Variants in GAREM1 observed in about 807,000 individuals in gnomAD.
The protein encoded by GAREM1 is GRB2 associated regulator of MAPK1 subtype 1.
A neutral mutation model predicts 71.3 loss-of-function variants in GAREM1; 26 were observed. The observed-to-expected ratio is 0.36, with a 90% CI of 0.27 to 0.51. The LOEUF is 0.51. Ranked by LOEUF, GAREM1 falls within the 20% of genes least tolerant of loss-of-function variation. The pLI is 0.95. For synonymous variants in GAREM1, 440 were observed against 433.2 expected, an observed-to-expected ratio of 1.02 and a Z score of -0.20; for missense variants, 1,026 against 1,103.1, an observed-to-expected ratio of 0.93 and a Z score of 0.99.
At chr18:32,449,766 T>C (rs1294449246) in intron 1 of GAREM1, among the ~76,000 whole-genome samples, 1 of 152,262 alleles carries the variant, frequency 6.6e-6, no homozygotes, top group Non-Finnish European at 1.5e-5. Context: ...ACGACTATTC[T>C]AATTCTTCAA....
chr18:32,277,304 C>A (rs1046764378), intron 4 of GAREM1, among the ~76,000 whole-genome samples: 2 of 152,102 alleles, frequency 1.3e-5, no homozygotes, highest in Non-Finnish European at 2.9e-5. Context: ...TGCCTGGGTA[C>A]GTATATGCAT....
At chr18:32,334,583 C>T (rs527817997) in intron 2 of GAREM1, among the ~76,000 whole-genome samples, 6 of 152,244 alleles carry the variant, frequency 3.9e-5, no homozygotes, top group East Asian at 1.9e-4. Context: ...CACATGGAAG[C>T]GGAGGAACAG....
intron 2 of GAREM1, among the ~76,000 whole-genome samples, chr18:32,386,519 C>G (rs1397700109): frequency 6.6e-6 from 1 of 152,178 alleles, no homozygotes; most frequent in East Asian, 1.9e-4. Context: ...GTTACAGATT[C>G]ACCAGATTTG....
At chr18:32,374,821 G>A (rs560093660) in intron 2 of GAREM1, among the ~76,000 whole-genome samples, 1 of 152,264 alleles carries the variant, frequency 6.6e-6, no homozygotes, top group Non-Finnish European at 1.5e-5. Flanking sequence ...AAAGATAAAT[G>A]AAATATTATA....
intron 4 of GAREM1, 69 bp from the exon 5 acceptor site, chr18:32,270,452 G>C: frequency 7.3e-7 from 1 of 1,369,656 alleles, no homozygotes; most frequent in African/African-American, 1.4e-5. Context: ...GCTCAATCCT[G>C]AAGACTTGCT....
At chr18:32,409,787 C>T (rs2144682177) in intron 1 of GAREM1, among the ~76,000 whole-genome samples, 1 of 152,252 alleles carries the variant, frequency 6.6e-6, no homozygotes, top group East Asian at 1.9e-4. Context: ...CGCCAAGCAA[C>T]TTTCAGAAAA....
chr18:32,294,803 A>C (rs1357822362), intron 3 of GAREM1, among the ~76,000 whole-genome samples: 1 of 152,170 alleles, frequency 6.6e-6, no homozygotes, highest in African/African-American at 2.4e-5. Context: ...ATTTATCTTT[A>C]TCCTTTCAAT....
chr18:32,375,403 A>G (rs2048022273), intron 2 of GAREM1, among the ~76,000 whole-genome samples: 1 of 152,098 alleles, frequency 6.6e-6, no homozygotes, highest in South Asian at 2.1e-4. Context: ...CAGAGCAAAA[A>G]GGTTTCTTCA....
chr18:32,319,098 C>A (rs925032477), intron 2 of GAREM1, among the ~76,000 whole-genome samples: 4 of 152,148 alleles, frequency 2.6e-5, no homozygotes, highest in African/African-American at 9.7e-5. Context: ...AATGAATGAA[C>A]TTTTCTTCTC....
chr18:32,433,412 A>T (rs1176110134), intron 1 of GAREM1, among the ~76,000 whole-genome samples: 1 of 151,752 alleles, frequency 6.6e-6, no homozygotes, highest in African/African-American at 2.4e-5. Context: ...CTTATTCAAC[A>T]TAATACTAGA....
chr18:32,321,020 T>C (rs576751265), intron 2 of GAREM1, among the ~76,000 whole-genome samples: 9 of 152,338 alleles, frequency 5.9e-5, no homozygotes, highest in African/African-American at 2.2e-4. Flanking sequence ...CTCATCACTT[T>C]GTAATGGTAT....
At chr18:32,412,407 C>T (rs575850651) in intron 1 of GAREM1, 242 of 1,584,754 alleles carry the variant, frequency 1.5e-4, no homozygotes, top group Non-Finnish European at 2.0e-4. Flanking sequence ...GTAGCTTCCA[C>T]CACCTCCAAA....
chr18:32,406,480 G>A lies in GAREM1; in HGVS notation c.122-13445C>T, dbSNP rs746279208. ...ATAATCAAATGACATGATGAGTAAA[G>A]AAACGGTGTGTGGTGGGGGGAAAGA... On this transcript the variant is annotated intron_variant, in intron 1 of 5. Coordinates refer to ENST00000269209, the MANE Select transcript of GAREM1 (RefSeq NM_001242409.2). 2.0e-5 allele frequency among the ~76,000 whole-genome samples: 3 copies of A among 152,170 alleles called. No homozygotes were observed. The East Asian group carries it at 5.8e-4, about 29-fold the overall frequency.
Position 32,264,609 on chromosome 18 carries a change from T to A in GAREM1, c.*3262A>T, listed in dbSNP as rs2041348484. On this transcript the variant is annotated 3_prime_UTR_variant, in exon 6 of 6. Coordinates refer to ENST00000269209, the MANE Select transcript of GAREM1 (RefSeq NM_001242409.2). Reference sequence around the variant, plus strand: ...TTCGACATGAGACAAGAATAAACACTGCAATTTAGCTGAATGGGCAGTTCA... The same window carrying A: ...TTCGACATGAGACAAGAATAAACACAGCAATTTAGCTGAATGGGCAGTTCA... 2 of 152,226 alleles carry A rather than the reference T, an allele frequency of 1.3e-5. No individual in the cohort carries two copies. The highest frequency in any genetic ancestry group is 3.8e-4 in the East Asian group (2 of 5,200). 9.4% of individuals were successfully genotyped at this position (152,226 alleles called of 1,614,324 possible). A position where few individuals can be genotyped will look rare whatever the true frequency, so the allele number is the denominator to read the frequency against.
chr18:32,388,152 A>G (rs1387221397), intron 2 of GAREM1, among the ~76,000 whole-genome samples: 1 of 152,234 alleles, frequency 6.6e-6, no homozygotes, highest in African/African-American at 2.4e-5. Context: ...ATGGAGAAAC[A>G]TAGGACCATT....
At chr18:32,288,553 T>A (rs962447225) in intron 3 of GAREM1, among the ~76,000 whole-genome samples, 14 of 151,704 alleles carry the variant, frequency 9.2e-5, no homozygotes, top group Non-Finnish European at 1.5e-4. Flanking sequence ...ATTTAAATTT[T>A]AATTTTTTAC....
chr18:32,307,642 C>T (rs2047269697), intron 3 of GAREM1, among the ~76,000 whole-genome samples: 1 of 152,138 alleles, frequency 6.6e-6, no homozygotes. Context: ...CCTGTCTCAG[C>T]CCCACCGAGT....
At chr18:32,379,241 C>A (rs900669554) in intron 2 of GAREM1, among the ~76,000 whole-genome samples, 1 of 152,048 alleles carries the variant, frequency 6.6e-6, no homozygotes, top group African/African-American at 2.4e-5. Context: ...CACACTGCCT[C>A]GTCACCAGTT....
Position 32,470,167 on chromosome 18 carries a change from G to T in GAREM1, c.121+141C>A. 1 of 1,082,068 alleles carries T rather than the reference G, an allele frequency of 9.2e-7. No homozygotes were observed. The highest frequency in any genetic ancestry group is 1.2e-6 in the Non-Finnish European group (1 of 837,386). The allele number at this position is 1,082,068 out of a possible 1,614,324, so 67.0% of individuals were successfully genotyped here. The stretch of plus-strand genomic sequence containing the variant: ...GTTGAGAGCAACGCGCCAGGGCTGC[G>T]GCAGCCGCTCGGGCCAACTCCGGCG... On this transcript the variant is annotated intron_variant, in intron 1 of 5. Transcript: ENST00000269209. The surrounding 1 kb of genome is among the most constrained non-coding windows in gnomAD (Gnocchi z 4.4).
Sources: gnomAD v4.1 joint callset for allele counts (sites outside exome capture counted in the v4.1 genomes callset) on GRCh38, gnomAD v4.1.1 for gene constraint, Gnocchi (gnomAD v3.1) non-coding constraint, MANE v1.5 for transcripts, NCBI Gene and HGNC (gene_info 2026-07-23, HGNC 2026-07-21) for gene names.